The following FAT4 variants were observed in gnomAD, a reference collection of about 807,000 sequenced individuals.
The protein encoded by FAT4 is protocadherin Fat 4.
A neutral mutation model predicts 303.9 loss-of-function variants in FAT4; 84 were observed. The observed-to-expected ratio is 0.28, with a 90% CI of 0.23 to 0.33. The LOEUF is 0.33. Ranked by LOEUF, FAT4 falls within the 10% of genes least tolerant of loss-of-function variation. The probability of loss-of-function intolerance (pLI) is 1.00; values close to 1 mark genes in which losing one functional copy is unlikely to be tolerated. For missense variants in FAT4, 6,005 were observed against 6,146.8 expected (o/e 0.98, Z 0.77); for synonymous variants, 2,307 against 2,298.8 (o/e 1.00, Z -0.10).
In FAT4 at chr4:125,451,123, G is replaced by A. The variant is rs757100246; in HGVS notation, c.10113G>A (p.Val3371=). Residue 3371 remains valine (V), a synonymous_variant, in exon 10 of 18, where the codon GTG becomes GTA. Transcript: ENST00000394329. ...GILDREKEER[V]SLKVLAKNFG... ...TTGATCGAGAAAAAGAAGAAAGGGT[G>A]TCTTTGAAGGTATTGGCCAAGAACT... 1.4e-5 allele frequency: 22 copies of A among 1,614,030 alleles called. No homozygotes were observed. The highest frequency in any genetic ancestry group is 1.9e-5 in the Non-Finnish European group (22 of 1,180,036).
intron 2 of FAT4, among the ~76,000 whole-genome samples, chr4:125,389,399 CATG>C (rs899728306): frequency 2.6e-4 from 39 of 152,128 alleles, no homozygotes; most frequent in Middle Eastern, 3.4e-3. Context: ...CTTTAGTATG[CATG>C]ATAATATTTA....
chr4:125,318,482 C>G lies in FAT4; in HGVS notation c.2071C>G (p.Pro691Ala). Residue 691 changes from proline (P) to alanine (A), a missense_variant, in exon 2 of 18, where the codon CCG (proline) becomes GCG (alanine). By Grantham distance (27) the Pro-to-Ala change is conservative. Coordinates refer to ENST00000394329, the MANE Select transcript of FAT4 (RefSeq NM_001291303.3). ...AAATGATAACAGCCCTGTCTTCTAC[C>G]CGGTCCAATACTTTGCTCACATTAA... ...DINDNSPVFY[P>A]VQYFAHIKEN... 6.2e-7 allele frequency: 1 copy of G among 1,614,170 alleles called. No individual in the cohort carries two copies. Among genetic ancestry groups the G allele is most frequent in the Non-Finnish European group, 8.5e-7 (1 of 1,180,048 alleles).
chr4:125,366,681 T>G (rs1452650669), intron 2 of FAT4, among the ~76,000 whole-genome samples: 4 of 152,220 alleles, frequency 2.6e-5, no homozygotes, highest in African/African-American at 9.6e-5. Context: ...CCACACTGTC[T>G]TTCACAATGG....
At position 125,416,621 on chromosome 4, in the gene FAT4, A is replaced by G. The variant is rs1468282216; in HGVS notation, c.7017A>G (p.Ser2339=). 6.2e-7 allele frequency: 1 copy of G among 1,613,476 alleles called. No homozygotes were observed. Among genetic ancestry groups the G allele is most frequent in the Non-Finnish European group, 8.5e-7 (1 of 1,179,576 alleles). Residue 2339 remains serine, a splice_region_variant and synonymous_variant, in exon 7 of 18, where the codon TCA becomes TCG. Transcript: ENST00000394329. ...TCTTAATGATTACAGCTACAGATTC[A>G]GGTAAGTCCATTACACCCTTGTTCA... ...RFVLMITATD[S]GSPALTGTGT... is the part of the protein sequence containing the mutation.
intron 8 of FAT4, among the ~76,000 whole-genome samples, chr4:125,443,652 T>A (rs781483296): frequency 4.6e-5 from 7 of 152,192 alleles, no homozygotes; most frequent in Non-Finnish European, 8.8e-5. Flanking sequence ...GTAGTGTGCT[T>A]GACATGCACT....
At chr4:125,460,379 A>G (rs1013599868) in intron 10 of FAT4, among the ~76,000 whole-genome samples, 1 of 151,944 alleles carries the variant, frequency 6.6e-6, no homozygotes, top group Non-Finnish European at 1.5e-5. Flanking sequence ...TATTTCATCA[A>G]CTAGGAATTA....
chr4:125,389,007 G>T (rs982822843), intron 2 of FAT4, among the ~76,000 whole-genome samples: 6 of 152,092 alleles, frequency 3.9e-5, no homozygotes, highest in Non-Finnish European at 8.8e-5. Context: ...AATTACTTTT[G>T]TTTGAGAAAT....
Position 125,415,747 on chromosome 4 carries a change from T to C in FAT4, c.6784T>C (p.Ser2262Pro). The C allele has an allele frequency of 6.2e-7, 1 of 1,613,938 alleles. No individual in the cohort carries two copies. Among genetic ancestry groups the C allele is most frequent in the Non-Finnish European group, 8.5e-7 (1 of 1,179,894 alleles). ...TGACTTTGTTCCTGTATTTGAGCTA[T>C]CTCCATATTCTGTAAATGTCCCTGA... ...INDFVPVFEL[S>P]PYSVNVPENL... The change falls in exon 6 of 18, where the codon TCT becomes CCT. Residue 2262 changes from serine to proline, a missense_variant. Physicochemically the swap from Ser to Pro is moderately conservative, Grantham distance 74. Transcript: ENST00000394329.
chr4:125,318,004 C>G lies in FAT4; in HGVS notation c.1593C>G (p.Leu531=). ...TCCATATCAGTGAACATAGCGGCCT[C>G]GTGACCACTGGGTCCTCTGGGGGCC... ...GWFHISEHSG[L]VTTGSSGGLD... The change falls in exon 2 of 18, where the codon CTC becomes CTG. Residue 531 remains leucine, a synonymous_variant. Coordinates refer to ENST00000394329, the MANE Select transcript of FAT4 (RefSeq NM_001291303.3). 6.2e-7 allele frequency: 1 copy of G among 1,614,190 alleles called. No homozygotes were observed. Among genetic ancestry groups the G allele is most frequent in the Non-Finnish European group, 8.5e-7 (1 of 1,180,032 alleles).
At chr4:125,469,837 G>A (rs1003271616) in intron 12 of FAT4, among the ~76,000 whole-genome samples, 5 of 152,040 alleles carry the variant, frequency 3.3e-5, no homozygotes, top group Non-Finnish European at 7.4e-5. Context: ...TTGATATTTT[G>A]ACCTCCTTCC....
chr4:125,389,231 A>G (rs1490361092), intron 2 of FAT4, among the ~76,000 whole-genome samples: 1 of 152,098 alleles, frequency 6.6e-6, no homozygotes, highest in East Asian at 1.9e-4. Context: ...ATTTAAATTT[A>G]AGGTATAAAC....
At chr4:125,453,263 T>C (rs1387941697) in intron 10 of FAT4, among the ~76,000 whole-genome samples, 1 of 152,210 alleles carries the variant, frequency 6.6e-6, no homozygotes, top group Admixed American at 6.5e-5. Context: ...TTGGACCATT[T>C]TGTGTGTTAA....
At chr4:125,342,448 G>C (rs1731835210) in intron 2 of FAT4, among the ~76,000 whole-genome samples, 1 of 151,866 alleles carries the variant, frequency 6.6e-6, no homozygotes, top group Admixed American at 6.6e-5. Context: ...TGACTTTTCA[G>C]CACTTACCTT....
chr4:125,469,860 T>A (rs1241841632), intron 12 of FAT4, among the ~76,000 whole-genome samples: 1 of 152,230 alleles, frequency 6.6e-6, no homozygotes, highest in African/African-American at 2.4e-5. Context: ...TAATCATGAA[T>A]GTTCTTCATG....
intron 2 of FAT4, among the ~76,000 whole-genome samples, chr4:125,343,180 T>C (rs1008297915): frequency 2.0e-5 from 3 of 152,152 alleles, no homozygotes; most frequent in Admixed American, 1.3e-4. Context: ...AATTGAGGTA[T>C]GCTATTGAGT....
chr4:125,453,415 G>C (rs1207931878), intron 10 of FAT4, among the ~76,000 whole-genome samples: 1 of 152,064 alleles, frequency 6.6e-6, no homozygotes, highest in African/African-American at 2.4e-5. Context: ...AGATTAAAAT[G>C]ATGTGTTATT....
chr4:125,352,884 G>T (rs1018061165), intron 2 of FAT4, among the ~76,000 whole-genome samples: 1 of 151,754 alleles, frequency 6.6e-6, no homozygotes, highest in African/African-American at 2.4e-5. Context: ...TCTACTGGAT[G>T]CAGTGATGTA....
chr4:125,481,989 G>A (rs552230974), intron 16 of FAT4, among the ~76,000 whole-genome samples: 44 of 152,260 alleles, frequency 2.9e-4, no homozygotes, highest in Middle Eastern at 6.8e-3. Flanking sequence ...AGGTAGGCCA[G>A]CACACAAAGA....
intron 2 of FAT4, among the ~76,000 whole-genome samples, chr4:125,372,256 G>C (rs969045586): frequency 6.6e-6 from 1 of 151,898 alleles, no homozygotes; most frequent in African/African-American, 2.4e-5. Flanking sequence ...CAGCTAATCA[G>C]GAGGCTGAGG....
Sources: gnomAD v4.1 joint callset for allele counts (sites outside exome capture counted in the v4.1 genomes callset) on GRCh38, gnomAD v4.1.1 for gene constraint, MANE v1.5 for transcripts, NCBI Gene and HGNC (gene_info 2026-07-23, HGNC 2026-07-21) for gene names.